The following HPCAL1 variants were observed in gnomAD, a reference collection of about 807,000 sequenced individuals.
HPCAL1 encodes hippocalcin-like protein 1.
A neutral mutation model predicts 17.1 loss-of-function variants in HPCAL1; 8 were observed. That is an observed-to-expected ratio of 0.47 (90% confidence interval 0.27 to 0.84). HPCAL1 has a LOEUF of 0.84. Among genes scored for constraint, HPCAL1 ranks in the 40% least tolerant of loss-of-function variants. The probability of loss-of-function intolerance (pLI) is 0.13; values close to 1 mark genes in which losing one functional copy is unlikely to be tolerated. For missense variants in HPCAL1, 165 were observed against 271.1 expected (o/e 0.61, Z 2.75); for synonymous variants, 112 against 111.4 (o/e 1.01, Z -0.03).
At chr2:10,350,610 A>T (rs1665783649) in intron 1 of HPCAL1, among the ~76,000 whole-genome samples, 1 of 152,108 alleles carries the variant, frequency 6.6e-6, no homozygotes, top group Non-Finnish European at 1.5e-5. Context: ...AAAATTTAAA[A>T]CACCTGTGCC....
At position 10,344,638 on chromosome 2, in the gene HPCAL1, G is replaced by A. The variant is rs1350244715; in HGVS notation, c.-111+41461G>A. Among the ~76,000 whole-genome samples the A allele has an allele frequency of 2.0e-5, 3 of 152,142 alleles. No individual in the cohort carries two copies. The highest frequency in any genetic ancestry group is 6.5e-5 in the Admixed American group (1 of 15,276). ...TATTTTATAATCAAATGAGTAAGACGGGCGTCCCACACTCCACAGTACTCT... is the reference window on the plus strand; with the variant it reads ...TATTTTATAATCAAATGAGTAAGACAGGCGTCCCACACTCCACAGTACTCT... On this transcript the variant is annotated intron_variant, in intron 1 of 4. Transcript: ENST00000307845. The surrounding 1 kb of genome is among the most constrained non-coding windows in gnomAD (Gnocchi z 4.9).
At chr2:10,408,262 GTCTCTC>G (rs112759274) in intron 2 of HPCAL1, among the ~76,000 whole-genome samples, 19,221 of 151,470 alleles carry the variant, frequency 0.13, 1,436 homozygotes, top group South Asian at 0.17. Context: ...GCCCTGCTGG[GTCTCTC>G]TCTCTCTCTC....
chr2:10,405,907 C>T (rs973674157), intron 2 of HPCAL1, among the ~76,000 whole-genome samples: 2 of 152,224 alleles, frequency 1.3e-5, no homozygotes, highest in Non-Finnish European at 2.9e-5. Context: ...TGCGCCAAGT[C>T]CCCGCAAATG....
At chr2:10,393,616 G>A (rs62128251) in intron 1 of HPCAL1, among the ~76,000 whole-genome samples, 24,236 of 152,268 alleles carry the variant, frequency 0.16, 2,012 homozygotes, top group African/African-American at 0.18. Flanking sequence ...TGGTCACTGA[G>A]AGTGCTGGCC....
At chr2:10,422,079 T>C (rs1386620579) in intron 3 of HPCAL1, among the ~76,000 whole-genome samples, 1 of 152,000 alleles carries the variant, frequency 6.6e-6, no homozygotes, top group African/African-American at 2.4e-5. Context: ...AAGGCACTGG[T>C]AGAACTGTTC....
At chr2:10,403,873 T>G (rs1327018453) in intron 2 of HPCAL1, among the ~76,000 whole-genome samples, 1 of 152,170 alleles carries the variant, frequency 6.6e-6, no homozygotes, top group African/African-American at 2.4e-5. Flanking sequence ...CAGGTATTTT[T>G]TTGACTCGGA....
intron 1 of HPCAL1, among the ~76,000 whole-genome samples, chr2:10,307,679 T>G (rs906611990): frequency 2.0e-5 from 3 of 152,198 alleles, no homozygotes; most frequent in African/African-American, 7.2e-5. Context: ...ACTTGAAATC[T>G]CTGGAGAGTT....
chr2:10,333,533 G>C (rs1292602474), intron 1 of HPCAL1, among the ~76,000 whole-genome samples: 1 of 152,168 alleles, frequency 6.6e-6, no homozygotes, highest in African/African-American at 2.4e-5. Context: ...TCCCACGTGG[G>C]CAGCTGTGTT....
intron 1 of HPCAL1, among the ~76,000 whole-genome samples, chr2:10,340,113 T>C (rs1038850861): frequency 1.3e-5 from 2 of 152,216 alleles, no homozygotes; most frequent in Non-Finnish European, 1.5e-5. Flanking sequence ...GGGGTGTGCC[T>C]GCACCGCCTT....
At chr2:10,417,017 C>T (rs1670715909) in intron 2 of HPCAL1, among the ~76,000 whole-genome samples, 1 of 152,182 alleles carries the variant, frequency 6.6e-6, no homozygotes, top group Non-Finnish European at 1.5e-5. Flanking sequence ...GCTGCATATC[C>T]AGAGCTGGGC....
At chr2:10,383,395 C>T (rs983175616) in intron 1 of HPCAL1, among the ~76,000 whole-genome samples, 3 of 151,816 alleles carry the variant, frequency 2.0e-5, no homozygotes, top group Non-Finnish European at 4.4e-5. Flanking sequence ...CCGCATCTTG[C>T]TCTGTTGCCC....
At chr2:10,373,994 G>A (rs1038269516) in intron 1 of HPCAL1, among the ~76,000 whole-genome samples, 7 of 152,206 alleles carry the variant, frequency 4.6e-5, no homozygotes, top group Non-Finnish European at 8.8e-5. Flanking sequence ...GGGAAAGTCC[G>A]TCCTGGCCAA....
chr2:10,415,942 G>A (rs541570500), intron 2 of HPCAL1, among the ~76,000 whole-genome samples: 2 of 152,202 alleles, frequency 1.3e-5, no homozygotes, highest in Non-Finnish European at 2.9e-5. Context: ...ACAGCAACCC[G>A]AGGGCCAGGG....
chr2:10,345,464 C>CTTT (rs60570271), intron 1 of HPCAL1, among the ~76,000 whole-genome samples: 4 of 144,742 alleles, frequency 2.8e-5, no homozygotes, highest in Non-Finnish European at 4.5e-5. Flanking sequence ...CCTAGAAAAA[C>CTTT]TTTTTTTTTT....
rs540590913 is a variant in HPCAL1 at position 10,380,337 on chromosome 2, C to G, written c.-110-16498C>G. ...ATCTTAGTGGGCACACCAGGGCCCA[C>G]GAGATCTGGGGACTATTTATGTAGG... On this transcript the variant is annotated intron_variant, in intron 1 of 4. Transcript: ENST00000307845. 1.5e-3 allele frequency among the ~76,000 whole-genome samples: 232 copies of G among 152,258 alleles called. 2 individuals carry two copies. The highest frequency in any genetic ancestry group is 5.3e-3 in the African/African-American group (219 of 41,546).
At chr2:10,383,832 TG>T (rs776885200) in intron 1 of HPCAL1, among the ~76,000 whole-genome samples, 16 of 152,106 alleles carry the variant, frequency 1.1e-4, no homozygotes, top group Admixed American at 9.2e-4. Flanking sequence ...CTGTGCATTG[TG>T]GGGTATTGAG....
At chr2:10,379,115 G>A (rs1667779466) in intron 1 of HPCAL1, among the ~76,000 whole-genome samples, 1 of 152,004 alleles carries the variant, frequency 6.6e-6, no homozygotes, top group Non-Finnish European at 1.5e-5. Context: ...ATCACTTGAG[G>A]TCAGGAGTTC....
chr2:10,416,320 G>A (rs796783854), intron 2 of HPCAL1, among the ~76,000 whole-genome samples: 21 of 152,360 alleles, frequency 1.4e-4, no homozygotes, highest in African/African-American at 4.8e-4. Flanking sequence ...CCTGGGCACT[G>A]TGCAGTTCTG....
intron 2 of HPCAL1, among the ~76,000 whole-genome samples, chr2:10,398,968 A>G (rs567935093): frequency 6.6e-6 from 1 of 152,128 alleles, no homozygotes; most frequent in East Asian, 1.9e-4. Flanking sequence ...GTGGGGGAAC[A>G]TCTGGGTCCG....
Sources: allele counts gnomAD v4.1 joint callset (sites outside exome capture counted in the v4.1 genomes callset), GRCh38; gene constraint gnomAD v4.1.1; non-coding constraint Gnocchi (gnomAD v3.1); transcripts MANE v1.5; gene names NCBI Gene and HGNC (gene_info 2026-07-23, HGNC 2026-07-21).